Variants in CTNNA3 observed in about 807,000 individuals in gnomAD.
The protein encoded by CTNNA3 is catenin alpha 3.
In CTNNA3, 76 loss-of-function variants were observed where a neutral mutation model predicts 95.7. The observed-to-expected ratio is 0.79, with a 90% CI of 0.66 to 0.96. CTNNA3 has a LOEUF of 0.96. CTNNA3 is among the 40% of genes least tolerant of loss of function. CTNNA3 has a pLI of 0.00. For synonymous variants in CTNNA3, 431 were observed against 374.4 expected (o/e 1.15, Z -1.74); for missense variants, 1,191 against 1,089.8 (o/e 1.09, Z -1.31).
chr10:66,919,059 C>T (rs932482209), intron 7 of CTNNA3, among the ~76,000 whole-genome samples: 1 of 149,906 alleles, frequency 6.7e-6, no homozygotes, highest in Non-Finnish European at 1.5e-5. Context: ...CACTTCAACC[C>T]GGGAGGCAGA....
chr10:66,979,227 C>T (rs1487400958), intron 7 of CTNNA3, among the ~76,000 whole-genome samples: 1 of 152,024 alleles, frequency 6.6e-6, no homozygotes, highest in Non-Finnish European at 1.5e-5. Context: ...CTCGGCCTCC[C>T]AAAGTGCTGG....
rs145612269 is a variant in CTNNA3 at position 66,341,232 on chromosome 10, G to A, written c.1732+37920C>T. 3.4e-3 allele frequency among the ~76,000 whole-genome samples: 519 copies of A among 151,844 alleles called. 5 individuals are homozygous for A. Among genetic ancestry groups the A allele is most frequent in the African/African-American group, 0.012 (487 of 41,492 alleles). Reference sequence around the variant, plus strand: ...GTTAGCAACCATCAAATTTCTTTACGCCCTCATTCTAGTAAATTATAAGCT... The same window carrying A: ...GTTAGCAACCATCAAATTTCTTTACACCCTCATTCTAGTAAATTATAAGCT... On this transcript the variant is annotated intron_variant, in intron 12 of 17. Transcript: ENST00000433211.
intron 15 of CTNNA3, among the ~76,000 whole-genome samples, chr10:65,999,085 T>TA (rs2078720581): frequency 1.3e-5 from 2 of 152,096 alleles, no homozygotes; most frequent in African/African-American, 4.8e-5. Context: ...TGCTTTGTAA[T>TA]AAAAAAATCA....
chr10:66,036,588 C>G lies in CTNNA3; in HGVS notation c.2159+32720G>C, dbSNP rs2079567827. Among the ~76,000 whole-genome samples, 3 of 151,958 alleles carry G rather than the reference C, an allele frequency of 2.0e-5. No individual in the cohort carries two copies. In the South Asian group the frequency reaches 6.2e-4, roughly 32 times the overall value. On this transcript the variant is annotated intron_variant, in intron 15 of 17. Coordinates refer to ENST00000433211, the MANE Select transcript of CTNNA3 (RefSeq NM_013266.4). Reference sequence around the variant, plus strand: ...ATGGGGTTTTGCCGTATTGGCCAGGCTGGACTCAAACTCCTGGCCTCAGGT... The same window carrying G: ...ATGGGGTTTTGCCGTATTGGCCAGGGTGGACTCAAACTCCTGGCCTCAGGT...
At chr10:67,648,785 T>C (rs1226807078) in intron 1 of CTNNA3, 13 of 1,289,604 alleles carry the variant, frequency 1.0e-5, no homozygotes, top group Non-Finnish European at 1.2e-5. Flanking sequence ...CTTCTAAAAG[T>C]AGAAACATGG....
chr10:66,492,190 A>G (rs1399251030), intron 11 of CTNNA3, among the ~76,000 whole-genome samples: 1 of 152,126 alleles, frequency 6.6e-6, no homozygotes, highest in Admixed American at 6.5e-5. Context: ...CCTTTTTTGC[A>G]TAATTCCCTT....
intron 5 of CTNNA3, among the ~76,000 whole-genome samples, chr10:67,362,545 AAAG>A (rs1843026836): frequency 6.6e-6 from 1 of 152,110 alleles, no homozygotes; most frequent in Non-Finnish European, 1.5e-5. Flanking sequence ...AATAGATGCA[AAAG>A]AAGATTTTGC....
At chr10:66,515,345 C>CTCTCTCTCTA (rs558913767) in intron 11 of CTNNA3, among the ~76,000 whole-genome samples, 29 of 148,984 alleles carry the variant, frequency 1.9e-4, no homozygotes, top group African/African-American at 7.1e-4. Context: ...CTCTCTCTCT[C>CTCTCTCTCTA]TATATATATA....
chr10:66,639,878 A>C (rs1197537589), intron 9 of CTNNA3, among the ~76,000 whole-genome samples: 2 of 152,212 alleles, frequency 1.3e-5, no homozygotes, highest in East Asian at 3.9e-4. Flanking sequence ...TTAATTCATT[A>C]CTGTAGTCAT....
chr10:65,998,014 C>CA lies in CTNNA3; in HGVS notation c.2160-9218dup, dbSNP rs199830685. 1.2e-3 allele frequency among the ~76,000 whole-genome samples: 185 copies of CA among 150,482 alleles called. 2 individuals are homozygous for CA. Among genetic ancestry groups the CA allele is most frequent in the Admixed American group, 8.3e-3 (126 of 15,150 alleles). ...TGGGCAACAAGGTGAAACTCTGTCT[C>CA]AAAAAAAACAAAAAAGAACTATATC... is the stretch of plus-strand genomic sequence containing the variant. On this transcript the variant is annotated intron_variant, in intron 15 of 17. Transcript: ENST00000433211.
At chr10:67,051,334 T>A (rs1855078071) in intron 7 of CTNNA3, among the ~76,000 whole-genome samples, 1 of 152,102 alleles carries the variant, frequency 6.6e-6, no homozygotes, top group African/African-American at 2.4e-5. Flanking sequence ...GTCTTATCTA[T>A]GGAAAGGGAA....
At chr10:67,140,716 A>G (rs1860517534) in intron 7 of CTNNA3, among the ~76,000 whole-genome samples, 2 of 152,200 alleles carry the variant, frequency 1.3e-5, no homozygotes, top group Admixed American at 1.3e-4. Context: ...CCTTTTTGGT[A>G]CTATAAATAC....
chr10:67,218,850 T>C lies in CTNNA3; in HGVS notation c.843+757A>G, dbSNP rs1340190348. ...GTTCTCCTTCAGTCTATGTTCCTTA[T>C]GCAACTATCATAGTCCTTTTAAGAC... On this transcript the variant is annotated intron_variant, in intron 6 of 17. Transcript: ENST00000433211. Among the ~76,000 whole-genome samples, 3 of 152,210 alleles carry C rather than the reference T, an allele frequency of 2.0e-5. 1 individual carries two copies. The highest frequency in any genetic ancestry group is 4.4e-5 in the Non-Finnish European group (3 of 68,028).
chr10:67,691,921 C>T (rs1325047211), intron 1 of CTNNA3, among the ~76,000 whole-genome samples: 3 of 150,278 alleles, frequency 2.0e-5, no homozygotes, highest in African/African-American at 4.9e-5. Flanking sequence ...CCAGCCACCC[C>T]GTCCGGGAGG....
intron 1 of CTNNA3, among the ~76,000 whole-genome samples, chr10:67,715,700 A>G (rs1291975040): frequency 2.0e-5 from 3 of 152,188 alleles, no homozygotes; most frequent in Non-Finnish European, 4.4e-5. Flanking sequence ...GCCTAGTTAC[A>G]TAGATTGAAT....
rs182160860 is a variant in CTNNA3 at position 67,720,610 on chromosome 10, A to T, written c.-2+42824T>A. ...AAAGGATTTTATTTCTCCTTCGCTT[A>T]TGAAGCTTAGGTTGGCTAGATATGA... On this transcript the variant is annotated intron_variant, in intron 1 of 17. Transcript: ENST00000684154. Among the ~76,000 whole-genome samples the T allele has an allele frequency of 6.6e-5, 10 of 152,214 alleles. No homozygotes were observed. In the East Asian group the frequency reaches 1.7e-3, roughly 26 times the overall value.
chr10:66,960,398 C>T (rs961552030), intron 7 of CTNNA3, among the ~76,000 whole-genome samples: 4 of 152,040 alleles, frequency 2.6e-5, no homozygotes, highest in Admixed American at 2.0e-4. Flanking sequence ...TGGAAAATAC[C>T]AGCTAAGTCT....
chr10:67,718,271 T>C (rs1031933802), intron 1 of CTNNA3, among the ~76,000 whole-genome samples: 1 of 152,204 alleles, frequency 6.6e-6, no homozygotes, highest in African/African-American at 2.4e-5. Flanking sequence ...ACAGAGACAA[T>C]TTGACTTCCT....
chr10:67,397,862 C>T (rs1298997359), intron 5 of CTNNA3, among the ~76,000 whole-genome samples: 1 of 152,248 alleles, frequency 6.6e-6, no homozygotes, highest in East Asian at 1.9e-4. Context: ...GTGCAAGCCC[C>T]AAGCCTTGGC....
Sources: gnomAD v4.1 joint callset for allele counts (sites outside exome capture counted in the v4.1 genomes callset) on GRCh38, gnomAD v4.1.1 for gene constraint, MANE v1.5 for transcripts, NCBI Gene and HGNC (gene_info 2026-07-23, HGNC 2026-07-21) for gene names.